Variants in ADGRE2 observed in about 807,000 individuals in gnomAD.
The protein encoded by ADGRE2 is CD97 antigen.
In ADGRE2, 83 loss-of-function variants were observed where a neutral mutation model predicts 100.8. The ratio of observed to expected loss-of-function variants is 0.82; its 90% CI spans 0.69 to 0.99. ADGRE2 has a LOEUF of 0.99. Ranked by LOEUF, ADGRE2 falls within the 50% of genes least tolerant of loss-of-function variation. The pLI, the probability that ADGRE2 is intolerant of heterozygous loss-of-function variation, is 0.00. For synonymous variants in ADGRE2, 355 were observed against 413.0 expected (o/e 0.86, Z 1.70); for missense variants, 814 against 1,035.7 (o/e 0.79, Z 2.94).
chr19:14,741,484 T>G (rs1392973194), intron 20 of ADGRE2: 1 of 145,434 alleles, frequency 6.9e-6, no homozygotes, highest in Non-Finnish European at 1.5e-5. Flanking sequence ...TTTTTTTTTT[T>G]TTTTTTTTTT....
intron 15 of ADGRE2, among the ~76,000 whole-genome samples, chr19:14,751,999 T>C (rs1463803405): frequency 6.6e-6 from 1 of 151,194 alleles, no homozygotes; most frequent in Non-Finnish European, 1.5e-5. Context: ...AATGGTGCGA[T>C]CTCGGCTTAC....
At chr19:14,744,667 C>G (rs1183550098) in intron 18 of ADGRE2, among the ~76,000 whole-genome samples, 2 of 151,894 alleles carry the variant, frequency 1.3e-5, no homozygotes, top group Non-Finnish European at 2.9e-5. Context: ...GTTGGCCAGG[C>G]TGGTCTTGAA....
chr19:14,755,841 A>G lies in ADGRE2; in HGVS notation c.1229T>C (p.Met410Thr). The G allele has an allele frequency of 6.2e-7, 1 of 1,614,176 alleles. No individual in the cohort carries two copies. The highest frequency in any genetic ancestry group is 8.5e-7 in the Non-Finnish European group (1 of 1,180,040). ...AGGGGCCTCAGCCAGCAACTTGCCC[A>G]TCCCTGGAATGGAGACAAGGCCCAC... ...SVVGLVSIPG[M>T]GKLLAEAPLV... Residue 410 changes from methionine to threonine, a missense_variant, in exon 13 of 21, where the codon ATG becomes ACG. Transcript: ENST00000315576.
intron 4 of ADGRE2, among the ~76,000 whole-genome samples, chr19:14,773,097 A>AG (rs2044275575): frequency 6.3e-5 from 7 of 110,354 alleles, no homozygotes; most frequent in African/African-American, 2.6e-4. Flanking sequence ...AAAAAAAAAA[A>AG]ACAAAAAAAA....
intron 1 of ADGRE2, chr19:14,777,169 G>A (rs2044475402): frequency 4.6e-6 from 4 of 875,542 alleles, no homozygotes; most frequent in Non-Finnish European, 5.5e-6. Context: ...GGGCGGTCTC[G>A]CCTGGGGCCA....
chr19:14,731,312 G>T, downstream of ADGRE2: 1 of 959,784 alleles, frequency 1.0e-6, no homozygotes, highest in Non-Finnish European at 1.6e-6. Flanking sequence ...AAGCTTGCAG[G>T]TCAGTGGCCT....
intron 18 of ADGRE2, among the ~76,000 whole-genome samples, chr19:14,744,487 C>G (rs2732789): frequency 0.41 from 62,596 of 151,640 alleles, 13,554 homozygotes; most frequent in African/African-American, 0.55. Flanking sequence ...ATGGAATCTC[C>G]CTCTGTCACC....
intron 2 of ADGRE2, among the ~76,000 whole-genome samples, chr19:14,775,393 G>A (rs141687210): frequency 0.033 from 4,953 of 152,140 alleles, 102 homozygotes; most frequent in Non-Finnish European, 0.051. Context: ...GGCCTCAAGC[G>A]ATCCTCCTGC....
downstream of ADGRE2, among the ~76,000 whole-genome samples, chr19:14,730,557 G>A (rs528755758): frequency 1.4e-5 from 2 of 140,038 alleles, no homozygotes; most frequent in African/African-American, 5.2e-5. Context: ...TTCTTGCACT[G>A]TAAATTTAAG....
chr19:14,746,459 G>T, intron 17 of ADGRE2, 136 bp from the exon 18 acceptor site: 1 of 605,798 alleles, frequency 1.7e-6, no homozygotes, highest in Admixed American at 2.9e-5. Flanking sequence ...TGCCACCTCT[G>T]CCTCCCGGGT....
intron 1 of ADGRE2, among the ~76,000 whole-genome samples, chr19:14,777,576 T>A (rs2044485047): frequency 6.6e-6 from 1 of 152,146 alleles, no homozygotes; most frequent in African/African-American, 2.4e-5. Flanking sequence ...ACATGTGCCA[T>A]GTTGGCTTGC....
intron 20 of ADGRE2, 126 bp downstream of exon 20, chr19:14,743,294 G>T: frequency 1.3e-6 from 1 of 754,124 alleles, no homozygotes; most frequent in African/African-American, 1.7e-5. Flanking sequence ...AATGAGTCAA[G>T]GCGTACTCAG....
At chr19:14,773,687 T>C (rs1479026367) in intron 4 of ADGRE2, among the ~76,000 whole-genome samples, 8 of 151,966 alleles carry the variant, frequency 5.3e-5, no homozygotes, top group Admixed American at 5.3e-4. Flanking sequence ...ATTTTGTGTA[T>C]TTTTTGTAGA....
At chr19:14,759,322 A>G (rs899044773) in intron 11 of ADGRE2, among the ~76,000 whole-genome samples, 3 of 152,080 alleles carry the variant, frequency 2.0e-5, no homozygotes, top group Admixed American at 6.6e-5. Flanking sequence ...TTATTAGAAA[A>G]GAAATGATTT....
intron 17 of ADGRE2, 53 bp from the exon 18 acceptor site, chr19:14,746,376 T>G: frequency 7.5e-6 from 2 of 267,782 alleles, no homozygotes; most frequent in Non-Finnish European, 1.2e-5. Context: ...CTGTTATCTC[T>G]TTTTTTTTTT....
chr19:14,755,952 C>CACAGAACT, intron 12 of ADGRE2, 75 bp from the exon 13 acceptor site: 2 of 1,298,656 alleles, frequency 1.5e-6, no homozygotes, highest in Admixed American at 4.2e-5. Context: ...CTCTGCCCTG[C>CACAGAACT]ACAGAACTTT....
chr19:14,754,863 A>C, intron 14 of ADGRE2, 91 bp downstream of exon 14: 162 of 1,317,438 alleles, frequency 1.2e-4, no homozygotes, highest in Non-Finnish European at 1.6e-4. Flanking sequence ...GCTGTGAGAT[A>C]ATGCATATAT....
intron 7 of ADGRE2, 55 bp downstream of exon 7, chr19:14,766,180 A>C (rs528289447): frequency 1.2e-6 from 2 of 1,613,052 alleles, no homozygotes; most frequent in South Asian, 2.2e-5. Context: ...GGCGCCGTTG[A>C]ACATGTGATC....
intron 11 of ADGRE2, among the ~76,000 whole-genome samples, chr19:14,759,201 C>A (rs975778502): frequency 2.6e-5 from 4 of 152,024 alleles, no homozygotes; most frequent in Non-Finnish European, 5.9e-5. Flanking sequence ...CCACGTTGAA[C>A]ATGTCGGGCC....
Sources: gnomAD v4.1 joint callset for allele counts (sites outside exome capture counted in the v4.1 genomes callset) on GRCh38, gnomAD v4.1.1 for gene constraint, MANE v1.5 for transcripts, NCBI Gene and HGNC (gene_info 2026-07-23, HGNC 2026-07-21) for gene names.